The following RAP1A variants were observed in gnomAD, a reference collection of about 807,000 sequenced individuals.
The protein encoded by RAP1A is RAP1A, member of RAS oncogene family, also known as ras-related protein Rap-1A.
A neutral mutation model predicts 26.4 loss-of-function variants in RAP1A; 6 were observed. The ratio of observed to expected loss-of-function variants is 0.23; its 90% CI spans 0.12 to 0.45. RAP1A has a LOEUF of 0.45. RAP1A is among the 20% of genes least tolerant of loss of function. RAP1A has a pLI of 0.99. For missense variants in RAP1A, 121 were observed against 217.2 expected, an observed-to-expected ratio of 0.56 and a Z score of 2.78; for synonymous variants, 73 against 79.4, an observed-to-expected ratio of 0.92 and a Z score of 0.43.
At chr1:111,555,492 C>T (rs2101040892) in intron 1 of RAP1A, among the ~76,000 whole-genome samples, 1 of 150,410 alleles carries the variant, frequency 6.6e-6, no homozygotes, top group Non-Finnish European at 1.5e-5. Flanking sequence ...ATAGTAGACT[C>T]ACCCAGAAGA....
chr1:111,631,247 T>A (rs1195693774), intron 1 of RAP1A, among the ~76,000 whole-genome samples: 1 of 152,188 alleles, frequency 6.6e-6, no homozygotes, highest in Non-Finnish European at 1.5e-5. Context: ...ATTTGAGAAT[T>A]TTGATTAGCT....
chr1:111,571,341 A>T (rs1658045302), intron 1 of RAP1A, among the ~76,000 whole-genome samples: 1 of 152,074 alleles, frequency 6.6e-6, no homozygotes, highest in Non-Finnish European at 1.5e-5. Flanking sequence ...ATTGTTCAAG[A>T]CTTTTTATAA....
intron 1 of RAP1A, among the ~76,000 whole-genome samples, chr1:111,669,817 A>G (rs1462732745): frequency 1.3e-5 from 2 of 152,254 alleles, no homozygotes; most frequent in Non-Finnish European, 2.9e-5. Context: ...TCCTAAGCAG[A>G]GTGAATAGAA....
intron 1 of RAP1A, among the ~76,000 whole-genome samples, chr1:111,671,070 A>G (rs1239125128): frequency 6.6e-6 from 1 of 152,248 alleles, no homozygotes; most frequent in African/African-American, 2.4e-5. Context: ...TCTTTAAAAC[A>G]GTAGAATATG....
chr1:111,607,228 C>T (rs544752781), intron 1 of RAP1A, among the ~76,000 whole-genome samples: 5 of 151,606 alleles, frequency 3.3e-5, no homozygotes, highest in African/African-American at 9.7e-5. Flanking sequence ...TGACTCTTAA[C>T]GAGCATGCTG....
At chr1:111,671,032 T>C (rs1660956509) in intron 1 of RAP1A, among the ~76,000 whole-genome samples, 1 of 152,258 alleles carries the variant, frequency 6.6e-6, no homozygotes, top group Admixed American at 6.5e-5. Flanking sequence ...GGTAAAGATT[T>C]ATCTGGGGAT....
At chr1:111,587,174 C>T (rs1658385211) in intron 1 of RAP1A, among the ~76,000 whole-genome samples, 1 of 152,080 alleles carries the variant, frequency 6.6e-6, no homozygotes, top group African/African-American at 2.4e-5. Context: ...TGGCTACAAG[C>T]AATTATATAG....
chr1:111,579,358 G>A (rs1439533662), intron 1 of RAP1A, among the ~76,000 whole-genome samples: 1 of 152,132 alleles, frequency 6.6e-6, no homozygotes, highest in Non-Finnish European at 1.5e-5. Context: ...GGAAATTCTA[G>A]GGGTTTTAGA....
Position 111,686,389 on chromosome 1 carries a change from G to T in RAP1A, c.-27-4945G>T, listed in dbSNP as rs930793931. On this transcript the variant is annotated intron_variant, in intron 1 of 7. Coordinates refer to ENST00000369709, the MANE Select transcript of RAP1A (RefSeq NM_002884.4). The stretch of plus-strand genomic sequence containing the variant: ...CGAGGCGTCTTGAGCCTTACTTAAT[G>T]GCCTCTTTCATTATGTTGCGCAGGC... 3.3e-5 allele frequency among the ~76,000 whole-genome samples: 5 copies of T among 151,968 alleles called. 1 individual carries two copies.
At chr1:111,542,422 A>G in exon 1 of RAP1A, 1 of 234,768 alleles carries the variant, frequency 4.3e-6, no homozygotes, top group Non-Finnish European at 8.8e-6. Flanking sequence ...TATTTGGTGA[A>G]AAACTGGGCT....
intron 1 of RAP1A, among the ~76,000 whole-genome samples, chr1:111,633,529 T>G (rs1659637909): frequency 6.6e-6 from 1 of 152,220 alleles, no homozygotes; most frequent in South Asian, 2.1e-4. Context: ...ATATATTAGG[T>G]TATTTCGGTA....
At chr1:111,641,536 A>G (rs1033500207) in intron 1 of RAP1A, among the ~76,000 whole-genome samples, 4 of 152,144 alleles carry the variant, frequency 2.6e-5, no homozygotes, top group African/African-American at 7.2e-5. Context: ...AGCTTGCCTC[A>G]GCTTCAGAGT....
chr1:111,583,950 G>A (rs1044448029), intron 1 of RAP1A, among the ~76,000 whole-genome samples: 2 of 145,594 alleles, frequency 1.4e-5, no homozygotes, highest in Non-Finnish European at 3.0e-5. Flanking sequence ...GCGCGATCTC[G>A]GCTCACTGCA....
chr1:111,628,055 A>G (rs1170800500), intron 1 of RAP1A, among the ~76,000 whole-genome samples: 2 of 152,104 alleles, frequency 1.3e-5, no homozygotes, highest in East Asian at 1.9e-4. Flanking sequence ...AAATATGTGT[A>G]TGATTTGATT....
At chr1:111,625,453 C>G (rs1042332246) in intron 1 of RAP1A, among the ~76,000 whole-genome samples, 12 of 152,144 alleles carry the variant, frequency 7.9e-5, no homozygotes, top group Non-Finnish European at 4.4e-5. Context: ...GTGGAAATCT[C>G]TTATTGCTGA....
intron 1 of RAP1A, among the ~76,000 whole-genome samples, chr1:111,646,577 G>T (rs1660075022): frequency 6.6e-6 from 1 of 151,742 alleles, no homozygotes; most frequent in Non-Finnish European, 1.5e-5. Context: ...GTCTCACTCT[G>T]TCCCCTAGGC....
At chr1:111,703,570 C>T in intron 5 of RAP1A, 94 bp downstream of exon 5, 2 of 1,196,396 alleles carry the variant, frequency 1.7e-6, no homozygotes, top group Non-Finnish European at 2.2e-6. Context: ...GATTTGGAAG[C>T]TATCTACCAC....
intron 1 of RAP1A, among the ~76,000 whole-genome samples, chr1:111,673,203 T>TC (rs1661026683): frequency 6.6e-6 from 1 of 152,196 alleles, no homozygotes; most frequent in African/African-American, 2.4e-5. Context: ...CCATATTCAC[T>TC]CCCCTCCCCA....
At chr1:111,711,713 G>C (rs561688171) in intron 7 of RAP1A, among the ~76,000 whole-genome samples, 22 of 152,204 alleles carry the variant, frequency 1.4e-4, no homozygotes, top group Non-Finnish European at 2.8e-4. Flanking sequence ...GATTTAAATA[G>C]AAATTATAAA....
Sources: gnomAD v4.1 joint callset for allele counts (sites outside exome capture counted in the v4.1 genomes callset) on GRCh38, gnomAD v4.1.1 for gene constraint, MANE v1.5 for transcripts, NCBI Gene and HGNC (gene_info 2026-07-23, HGNC 2026-07-21) for gene names.